KIAA0753: variants seen among roughly 807,000 people sequenced by gnomAD.
The protein encoded by KIAA0753 is protein moonraker.
In KIAA0753, 114 loss-of-function variants were observed where a neutral mutation model predicts 116.9. The observed-to-expected ratio is 0.98, with a 90% CI of 0.84 to 1.14. KIAA0753 has a LOEUF of 1.14. Among genes scored for constraint, KIAA0753 ranks in the 50% most tolerant of loss-of-function variants. The pLI is 0.00. For missense variants in KIAA0753, 1,156 were observed against 1,172.4 expected (o/e 0.99, Z 0.20); for synonymous variants, 405 against 413.1 (o/e 0.98, Z 0.24).
At chr17:6,584,548 T>C (rs1968423850) in intron 18 of KIAA0753, among the ~76,000 whole-genome samples, 1 of 152,160 alleles carries the variant, frequency 6.6e-6, no homozygotes, top group East Asian at 1.9e-4. Context: ...ACTGTATCTG[T>C]TTTTCTTCTT....
At chr17:6,582,426 T>C (rs1425522917) in intron 18 of KIAA0753, among the ~76,000 whole-genome samples, 1 of 152,224 alleles carries the variant, frequency 6.6e-6, no homozygotes, top group Non-Finnish European at 1.5e-5. Context: ...TAAGGGGATG[T>C]ATAAGAAACA....
At chr17:6,595,802 T>C (rs1162082160) in intron 15 of KIAA0753, among the ~76,000 whole-genome samples, 1 of 152,176 alleles carries the variant, frequency 6.6e-6, no homozygotes, top group Non-Finnish European at 1.5e-5. Flanking sequence ...AACTGAACAG[T>C]ACGTACAAGC....
At chr17:6,614,302 G>A (rs555580935) in intron 7 of KIAA0753, among the ~76,000 whole-genome samples, 14 of 152,222 alleles carry the variant, frequency 9.2e-5, no homozygotes, top group African/African-American at 3.4e-4. Context: ...GTGCACAGAG[G>A]AAGCCAGGAA....
At chr17:6,634,739 T>G in intron 2 of KIAA0753, 1 of 267,598 alleles carries the variant, frequency 3.7e-6, no homozygotes, top group Non-Finnish European at 7.2e-6. Context: ...TTATAAGAAA[T>G]GGTATAAGAA....
In KIAA0753 at chr17:6,594,286, C is replaced by T. The variant is rs866841738; in HGVS notation, c.2440+686G>A. Reference sequence around the variant, plus strand: ...CTCACTTCAGATTCTGACCCCCCCCCCCAGAACTATAGGAGAATAAATTTG... The same window carrying T: ...CTCACTTCAGATTCTGACCCCCCCCTCCAGAACTATAGGAGAATAAATTTG... On this transcript the variant is annotated intron_variant, in intron 16 of 18. Transcript: ENST00000361413. Among the ~76,000 whole-genome samples the T allele has an allele frequency of 5.8e-4, 86 of 149,290 alleles. No homozygotes were observed. The Middle Eastern group carries it at 0.01, about 18-fold the overall frequency.
In KIAA0753 at chr17:6,628,477, GT is replaced by G; in HGVS notation, c.357del (p.Glu119AspfsTer46). ...KRRQFEKHIK[E>X]HHLRSQPQSS... ...CTTTGAGGCTGACTTCTGAGATGATGTTCTTTTATATGTTTTTCAAATTGTC... is the reference window on the plus strand; with the variant it reads ...CTTTGAGGCTGACTTCTGAGATGATGTCTTTTATATGTTTTTCAAATTGTC... On this transcript the variant is annotated frameshift_variant, in exon 3 of 19. Transcript: ENST00000361413. LOFTEE classifies it high-confidence loss of function. The G allele has an allele frequency of 1.2e-6, 2 of 1,614,184 alleles. No individual in the cohort carries two copies. Among genetic ancestry groups the G allele is most frequent in the African/African-American group, 2.7e-5 (2 of 75,056 alleles).
chr17:6,580,434 C>A (rs1330761513), intron 18 of KIAA0753, among the ~76,000 whole-genome samples: 1 of 151,616 alleles, frequency 6.6e-6, no homozygotes, highest in East Asian at 2.0e-4. Context: ...CCTGCCTCAG[C>A]CTCCTGAGTA....
intron 2 of KIAA0753, among the ~76,000 whole-genome samples, chr17:6,632,755 C>G (rs1488860736): frequency 6.6e-6 from 1 of 152,172 alleles, no homozygotes; most frequent in Non-Finnish European, 1.5e-5. Context: ...CAGTATCATT[C>G]AGTGGTTCTC....
intron 18 of KIAA0753, among the ~76,000 whole-genome samples, chr17:6,580,930 A>ACACACACACACACC (rs149966522): frequency 5.6e-5 from 8 of 144,026 alleles, no homozygotes; most frequent in African/African-American, 2.0e-4. Context: ...ACACACACAC[A>ACACACACACACACC]CCTTCATTTT....
chr17:6,582,545 C>T (rs755443111), intron 18 of KIAA0753, among the ~76,000 whole-genome samples: 5 of 152,134 alleles, frequency 3.3e-5, no homozygotes, highest in African/African-American at 4.8e-5. Context: ...TTTGTTTTTT[C>T]GCTAATCTGA....
chr17:6,635,180 A>T lies in KIAA0753; in HGVS notation c.-68-9T>A, dbSNP rs182386526. ...CTTCCCTAAAACCATTCCTAAAACG[A>T]AACAAAGCTACTTCAGACCAACAGC... On this transcript the variant is annotated splice_polypyrimidine_tract_variant and intron_variant, in intron 1 of 18. Coordinates refer to ENST00000361413, the MANE Select transcript of KIAA0753 (RefSeq NM_014804.3). 9.2e-7 allele frequency: 1 copy of T among 1,087,500 alleles called. No individual in the cohort carries two copies. The highest frequency in any genetic ancestry group is 1.4e-6 in the Non-Finnish European group (1 of 704,934). The allele number at this position is 1,087,500 out of a possible 1,614,324, so 67.4% of individuals were successfully genotyped here.
chr17:6,628,091 G>A (rs368180170), intron 3 of KIAA0753, 26 bp downstream of exon 3: 144 of 1,592,324 alleles, frequency 9.0e-5, no homozygotes, highest in Middle Eastern at 5.4e-4. Context: ...GCCTTAGGTC[G>A]AAGTAAAGAA....
intron 12 of KIAA0753, among the ~76,000 whole-genome samples, chr17:6,602,646 T>C (rs538257594): frequency 6.6e-6 from 1 of 152,292 alleles, no homozygotes; most frequent in South Asian, 2.1e-4. Flanking sequence ...AAAAGACATG[T>C]GGGTACTTTC....
At chr17:6,580,899 T>TACAC (rs33914667) in intron 18 of KIAA0753, among the ~76,000 whole-genome samples, 21,730 of 143,718 alleles carry the variant, frequency 0.15, 1,598 homozygotes, top group East Asian at 0.28. Context: ...TGCTCCTCTG[T>TACAC]ACACACACAC....
chr17:6,619,058 G>A lies in KIAA0753; in HGVS notation c.1315+1730C>T, dbSNP rs181868537. Among the ~76,000 whole-genome samples the A allele has an allele frequency of 3.9e-3, 587 of 152,030 alleles. 6 individuals carry two copies. Among genetic ancestry groups the A allele is most frequent in the African/African-American group, 0.013 (550 of 41,470 alleles). ...AGCCTGGCCAACGTGGTGAAACCCC[G>A]TCTCTACTAAAAATACAAAAATTAG... is the stretch of plus-strand genomic sequence containing the variant. On this transcript the variant is annotated intron_variant, in intron 7 of 18. Coordinates refer to ENST00000361413, the MANE Select transcript of KIAA0753 (RefSeq NM_014804.3).
At chr17:6,614,380 T>A (rs1343179938) in intron 7 of KIAA0753, among the ~76,000 whole-genome samples, 1 of 152,006 alleles carries the variant, frequency 6.6e-6, no homozygotes, top group Non-Finnish European at 1.5e-5. Flanking sequence ...AAAATGTCCA[T>A]CAATAAGAGC....
At chr17:6,590,715 G>C in intron 16 of KIAA0753, 85 bp from the exon 17 acceptor site, 1 of 1,475,866 alleles carries the variant, frequency 6.8e-7, no homozygotes, top group South Asian at 1.2e-5. Context: ...AAGAACCTGA[G>C]AGCAAGTTAC....
chr17:6,628,152 C>A lies in KIAA0753; in HGVS notation c.683G>T (p.Ser228Ile). The A allele has an allele frequency of 6.2e-7, 1 of 1,613,774 alleles. No individual in the cohort carries two copies. The highest frequency in any genetic ancestry group is 1.1e-5 in the South Asian group (1 of 91,012). Reference sequence around the variant, plus strand: ...TACCTCTTCAATTTTGTGGATACAACTGCTCAGTTCTTTCTGGAGTCGCTG... The same window carrying A: ...TACCTCTTCAATTTTGTGGATACAAATGCTCAGTTCTTTCTGGAGTCGCTG... ...EVQRLQKELSSCIHKIEEVTK... is the reference protein window; with the variant it reads ...EVQRLQKELSICIHKIEEVTK... Residue 228 changes from serine (S) to isoleucine (I), a missense_variant, in exon 3 of 19, where the codon AGT (serine) becomes ATT (isoleucine). By Grantham distance (142) the Ser-to-Ile change is moderately radical. Coordinates refer to ENST00000361413, the MANE Select transcript of KIAA0753 (RefSeq NM_014804.3).
rs1567540873 is a variant in KIAA0753, at chr17:6,591,065, GAAGAAGAA to G, written c.2441-443_2441-436del. Among the ~76,000 whole-genome samples the G allele has an allele frequency of 9.8e-3, 795 of 80,754 alleles. 18 individuals are homozygous for G. The highest frequency in any genetic ancestry group is 0.047 in the African/African-American group (681 of 14,534). 53.0% of individuals were successfully genotyped at this position (80,754 alleles called of 152,430 possible). A position where few individuals can be genotyped will look rare whatever the true frequency, so the allele number is the denominator to read the frequency against. On this transcript the variant is annotated intron_variant, in intron 16 of 18. Transcript: ENST00000361413. ...GGAAGAAGAAGAAGAAGAAGAAGAA[GAAGAAGAA>G]GAAGAAGAAGAAGAAGAAGAAGAAG...
Sources: allele counts gnomAD v4.1 joint callset (sites outside exome capture counted in the v4.1 genomes callset), GRCh38; gene constraint gnomAD v4.1.1; transcripts MANE v1.5; gene names NCBI Gene and HGNC (gene_info 2026-07-23, HGNC 2026-07-21).